The following ESYT2 variants were observed in gnomAD, a reference collection of about 807,000 sequenced individuals.
ESYT2 encodes extended synaptotagmin 2.
ESYT2 carries 54 observed loss-of-function variants against 107.2 expected under a neutral mutation model. The observed-to-expected ratio is 0.50, with a 90% CI of 0.40 to 0.63. The LOEUF (loss-of-function observed/expected upper bound fraction) is 0.63, where lower values mean the gene tolerates loss of function less well. ESYT2 is among the 30% of genes least tolerant of loss of function. The pLI is 0.00. For synonymous variants in ESYT2, 491 were observed against 434.1 expected, an observed-to-expected ratio of 1.13 and a Z score of -1.63; for missense variants, 1,020 against 1,094.5, an observed-to-expected ratio of 0.93 and a Z score of 0.96.
Position 158,767,799 on chromosome 7 carries a change from C to T in ESYT2, c.804-25G>A, listed in dbSNP as rs1217249400. The T allele has an allele frequency of 5.0e-6, 8 of 1,599,308 alleles. No individual in the cohort carries two copies. The Admixed American group carries it at 1.2e-4, about 24-fold the overall frequency. On this transcript the variant is annotated intron_variant, in intron 7 of 22. Transcript: ENST00000275418. ...ACTGTTAGTTGGGAGACAAAAAGAG[C>T]AAACGGACTATCAGACATGTGAATG...
At chr7:158,752,183 A>G (rs1036915586) in intron 14 of ESYT2, among the ~76,000 whole-genome samples, 2 of 152,254 alleles carry the variant, frequency 1.3e-5, no homozygotes, top group African/African-American at 4.8e-5. Context: ...AAAAATAATA[A>G]AACATTAAAT....
chr7:158,825,607 A>G (rs1034721679), intron 1 of ESYT2, among the ~76,000 whole-genome samples: 2 of 152,238 alleles, frequency 1.3e-5, no homozygotes, highest in African/African-American at 4.8e-5. Context: ...TAGTTTCTCA[A>G]AGTATTAATA....
In ESYT2 at chr7:158,781,310, ACT is replaced by A. The variant is rs372279237; in HGVS notation, c.747+6692_747+6693del. On this transcript the variant is annotated intron_variant, in intron 6 of 22. Coordinates refer to ENST00000275418, the MANE Select transcript of ESYT2 (RefSeq NM_001367773.1). ...GAACAGTGTGCGGTGTGTGAGAACA[ACT>A]GTGAGAGTGAACGAGTGTTGAGAAC... Among the ~76,000 whole-genome samples, 1,428 of 151,920 alleles carry A rather than the reference ACT, an allele frequency of 9.4e-3. 19 individuals are homozygous for A. Among genetic ancestry groups the A allele is most frequent in the African/African-American group, 0.03 (1,238 of 41,420 alleles).
At chr7:158,769,761 C>T (rs1415990383) in intron 7 of ESYT2, among the ~76,000 whole-genome samples, 2 of 152,072 alleles carry the variant, frequency 1.3e-5, no homozygotes, top group African/African-American at 4.8e-5. Flanking sequence ...AGGGATAGCC[C>T]AAAGTTATGG....
intron 13 of ESYT2, among the ~76,000 whole-genome samples, chr7:158,754,946 T>G (rs1018029544): frequency 1.3e-5 from 2 of 152,186 alleles, no homozygotes; most frequent in Admixed American, 1.3e-4. Context: ...TCAGTAAGTA[T>G]GCTGTCATAT....
intron 13 of ESYT2, among the ~76,000 whole-genome samples, chr7:158,757,387 C>G (rs987012372): frequency 2.6e-5 from 4 of 152,174 alleles, no homozygotes; most frequent in East Asian, 1.9e-4. Flanking sequence ...TCCCGACGCT[C>G]GCCTCTCTTT....
intron 5 of ESYT2, 24 bp downstream of exon 5, chr7:158,788,321 A>T (rs201256585): frequency 6.3e-7 from 1 of 1,583,626 alleles, no homozygotes; most frequent in African/African-American, 1.4e-5. Flanking sequence ...CTGTCAAATT[A>T]AAACAAAAAA....
At chr7:158,777,282 G>A (rs528971556) in intron 6 of ESYT2, among the ~76,000 whole-genome samples, 3 of 152,298 alleles carry the variant, frequency 2.0e-5, no homozygotes, top group East Asian at 3.9e-4. Flanking sequence ...AGATCCAGGA[G>A]AGGGAGACAT....
At position 158,737,175 on chromosome 7, in the gene ESYT2, G is replaced by C. The variant is rs528398874; in HGVS notation, c.2272C>G (p.Leu758Val). 14 of 1,613,512 alleles carry C rather than the reference G, an allele frequency of 8.7e-6. No homozygotes were observed. In the South Asian group the frequency reaches 1.5e-4, roughly 18 times the overall value. The change falls in exon 20 of 23, where the codon CTC (leucine) becomes GTC (valine). Residue 758 changes from leucine to valine, a missense_variant. Coordinates refer to ENST00000275418, the MANE Select transcript of ESYT2 (RefSeq NM_001367773.1). ...LIVVVHACRNLIAFSEDGSDP... is the reference protein window; with the variant it reads ...LIVVVHACRNVIAFSEDGSDP... ...GAGCCGTCTTCAGAGAAGGCAATGA[G>C]GTTTCTTACAACACAAACCAGATAA...
Position 158,743,526 on chromosome 7 carries a change from T to C in ESYT2, c.1794+3A>G, listed in dbSNP as rs1837287646. ...TGGTGTTCACTGCAGGACGACACGA[T>C]ACCCGCAGGGCAATCTTCATCTTGA... On this transcript the variant is annotated splice_donor_region_variant and intron_variant, in intron 17 of 22. Transcript: ENST00000275418. The C allele has an allele frequency of 1.2e-6, 2 of 1,607,944 alleles. No individual in the cohort carries two copies. The highest frequency in any genetic ancestry group is 8.5e-7 in the Non-Finnish European group (1 of 1,178,068).
chr7:158,755,114 T>C lies in ESYT2; in HGVS notation c.1420-2271A>G, dbSNP rs866274057. ...TTTCCAGCCTACGAAAAATTCCTAT[T>C]GTCCTAAGTTTGCAGATGGGGATCG... On this transcript the variant is annotated intron_variant, in intron 13 of 22. Coordinates refer to ENST00000275418, the MANE Select transcript of ESYT2 (RefSeq NM_001367773.1). 3.9e-5 allele frequency among the ~76,000 whole-genome samples: 6 copies of C among 152,194 alleles called. No homozygotes were observed. In the South Asian group the frequency reaches 1.2e-3, roughly 31 times the overall value.
At chr7:158,757,883 T>TA (rs1177128617) in intron 13 of ESYT2, among the ~76,000 whole-genome samples, 1 of 152,196 alleles carries the variant, frequency 6.6e-6, no homozygotes, top group African/African-American at 2.4e-5. Flanking sequence ...CTATTCTCTC[T>TA]ACCCTAAAAT....
chr7:158,752,724 A>G, intron 14 of ESYT2, 57 bp downstream of exon 14: 2 of 1,143,106 alleles, frequency 1.7e-6, no homozygotes, highest in African/African-American at 1.6e-5. Context: ...GAGACAAAGT[A>G]TCATCTCTTT....
chr7:158,734,383 TAC>T, intron 22 of ESYT2, 37 bp downstream of exon 22: 1 of 1,612,872 alleles, frequency 6.2e-7, no homozygotes, highest in South Asian at 1.1e-5. Context: ...CGTTTTTAGC[TAC>T]ACACTGGGGT....
At chr7:158,757,425 G>A (rs991870220) in intron 13 of ESYT2, among the ~76,000 whole-genome samples, 1 of 152,162 alleles carries the variant, frequency 6.6e-6, no homozygotes, top group Non-Finnish European at 1.5e-5. Context: ...AGTTTCCCTC[G>A]TAGATGCCCT....
At chr7:158,758,792 G>A (rs533861935) in intron 13 of ESYT2, among the ~76,000 whole-genome samples, 4 of 152,302 alleles carry the variant, frequency 2.6e-5, no homozygotes, top group Admixed American at 6.5e-5. Context: ...GTAGGATGAC[G>A]GGAGAGCACA....
intron 3 of ESYT2, among the ~76,000 whole-genome samples, chr7:158,795,190 T>C (rs942401540): frequency 6.6e-6 from 1 of 152,172 alleles, no homozygotes; most frequent in Admixed American, 6.5e-5. Context: ...TGCACAGGAC[T>C]CCACATGCCA....
intron 6 of ESYT2, among the ~76,000 whole-genome samples, chr7:158,782,391 AACG>A (rs1838913013): frequency 9.5e-6 from 1 of 105,736 alleles, no homozygotes; most frequent in Non-Finnish European, 2.0e-5. Context: ...GTGAGGTAAG[AACG>A]AGAACAAGTG....
intron 4 of ESYT2, among the ~76,000 whole-genome samples, chr7:158,789,647 G>A (rs79655940): frequency 1.9e-3 from 293 of 152,176 alleles, no homozygotes; most frequent in Non-Finnish European, 3.6e-3. Context: ...ATGAGCCACC[G>A]CACCTGGCCT....
Sources: allele counts gnomAD v4.1 joint callset (sites outside exome capture counted in the v4.1 genomes callset), GRCh38; gene constraint gnomAD v4.1.1; transcripts MANE v1.5; gene names NCBI Gene and HGNC (gene_info 2026-07-23, HGNC 2026-07-21).